DMP1: variants seen among roughly 807,000 people sequenced by gnomAD.
DMP1 encodes the protein dentin matrix protein 1.
A neutral mutation model predicts 14.6 loss-of-function variants in DMP1; 20 were observed. That is an observed-to-expected ratio of 1.37 (90% confidence interval 0.96 to 1.99). DMP1 has a LOEUF of 1.99. Among genes scored for constraint, DMP1 ranks in the 30% most tolerant of loss-of-function variants. DMP1 has a pLI of 0.00. For synonymous variants in DMP1, 197 were observed against 215.3 expected, an observed-to-expected ratio of 0.91 and a Z score of 0.75; for missense variants, 567 against 620.5, an observed-to-expected ratio of 0.91 and a Z score of 0.92.
chr4:87,663,479 T>C lies in DMP1; in HGVS notation c.*159T>C. Reference sequence around the variant, plus strand: ...CTGGACATTACACTTGTTTTTAGGGTGTCATCATTTCACAGAGGTTTAAAT... The same window carrying C: ...CTGGACATTACACTTGTTTTTAGGGCGTCATCATTTCACAGAGGTTTAAAT... On this transcript the variant is annotated 3_prime_UTR_variant, in exon 6 of 6. Coordinates refer to ENST00000339673, the MANE Select transcript of DMP1 (RefSeq NM_004407.4). 1 of 1,079,200 alleles carries C rather than the reference T, an allele frequency of 9.3e-7. No individual in the cohort carries two copies. The highest frequency in any genetic ancestry group is 1.6e-5 in the African/African-American group (1 of 63,780). The allele number at this position is 1,079,200 out of a possible 1,614,324, so 66.9% of individuals were successfully genotyped here. A position where few individuals can be genotyped will look rare whatever the true frequency, so the allele number is the denominator to read the frequency against.
intron 3 of DMP1, 121 bp downstream of exon 3, chr4:87,657,200 G>A: frequency 1.6e-6 from 1 of 641,662 alleles, no homozygotes; most frequent in South Asian, 2.0e-5. Context: ...AATAAGCTAA[G>A]CTATAGAGTT....
intron 1 of DMP1, among the ~76,000 whole-genome samples, chr4:87,652,551 G>A (rs1728553762): frequency 6.6e-6 from 1 of 152,040 alleles, no homozygotes; most frequent in African/African-American, 2.4e-5. Flanking sequence ...TATTGCTTTA[G>A]GTCAGGATGC....
chr4:87,651,088 G>C (rs1728521304), intron 1 of DMP1, among the ~76,000 whole-genome samples: 1 of 152,086 alleles, frequency 6.6e-6, no homozygotes, highest in African/African-American at 2.4e-5. Context: ...TTCTTCATCT[G>C]TGTGACGTTT....
chr4:87,659,622 A>G, intron 5 of DMP1, 144 bp downstream of exon 5: 1 of 825,574 alleles, frequency 1.2e-6, no homozygotes, highest in Non-Finnish European at 2.0e-6. Flanking sequence ...TAAAGTAAGA[A>G]GAGAAAAATG....
At position 87,662,047 on chromosome 4, in the gene DMP1, G is replaced by A; in HGVS notation, c.269G>A (p.Gly90Asp). 6.2e-7 allele frequency: 1 copy of A among 1,614,232 alleles called. No individual in the cohort carries two copies. The highest frequency in any genetic ancestry group is 1.1e-5 in the South Asian group (1 of 91,086). ...DHQYIYRLAG[G>D]FSRSTGKGGD... is the part of the protein sequence containing the mutation. ...CAATACATTTATAGGCTAGCTGGTG[G>A]CTTCTCCAGGAGCACAGGAAAAGGA... The change falls in exon 6 of 6, where the codon GGC (glycine) becomes GAC (aspartate). Residue 90 changes from glycine (G) to aspartate (D), a missense_variant. By Grantham distance (94) the Gly-to-Asp change is moderately conservative. Coordinates refer to ENST00000339673, the MANE Select transcript of DMP1 (RefSeq NM_004407.4).
chr4:87,656,289 G>T (rs1304062743), intron 1 of DMP1, among the ~76,000 whole-genome samples, 183 bp from the exon 2 acceptor site: 1 of 152,158 alleles, frequency 6.6e-6, no homozygotes, highest in Non-Finnish European at 1.5e-5. Flanking sequence ...TGCAGCACAT[G>T]TCAGTACTTC....
chr4:87,653,663 G>A (rs1000132666), intron 1 of DMP1, among the ~76,000 whole-genome samples: 6 of 151,668 alleles, frequency 4.0e-5, no homozygotes, highest in African/African-American at 1.5e-4. Flanking sequence ...ACCTATTCCT[G>A]TGCCCACCCA....
chr4:87,658,308 G>A (rs144265917), intron 3 of DMP1, among the ~76,000 whole-genome samples: 3 of 152,332 alleles, frequency 2.0e-5, no homozygotes, highest in Non-Finnish European at 4.4e-5. Flanking sequence ...GCTCTACTTT[G>A]CGCCTTGGGT....
intron 1 of DMP1, among the ~76,000 whole-genome samples, chr4:87,653,407 A>ATATATATATAT (rs1267261646): frequency 8.6e-5 from 9 of 104,196 alleles, no homozygotes; most frequent in Non-Finnish European, 1.6e-4. Context: ...ATATATATAT[A>ATATATATATAT]TATATATATA....
Position 87,663,034 on chromosome 4 carries a change from C to G in DMP1, c.1256C>G (p.Pro419Arg), listed in dbSNP as rs145278609. 8.1e-6 allele frequency: 13 copies of G among 1,614,130 alleles called. No homozygotes were observed. In the African/African-American group the frequency reaches 1.1e-4, roughly 13 times the overall value. Residue 419 changes from proline (P) to arginine (R), a missense_variant, in exon 6 of 6, where the codon CCG becomes CGG. Transcript: ENST00000339673. ...SESLNFSEES[P>R]ESPEDENSSS... ...AGCCTCAACTTCTCAGAGGAAAGCCCGGAGTCCCCTGAGGATGAGAACAGC... is the reference window on the plus strand; with the variant it reads ...AGCCTCAACTTCTCAGAGGAAAGCCGGGAGTCCCCTGAGGATGAGAACAGC...
At chr4:87,657,206 G>C in intron 3 of DMP1, 127 bp downstream of exon 3, 1 of 620,040 alleles carries the variant, frequency 1.6e-6, no homozygotes, top group East Asian at 2.9e-5. Context: ...CTAAGCTATA[G>C]AGTTCATAGA....
In DMP1 at chr4:87,662,743, A is replaced by G. The variant is rs1175935119; in HGVS notation, c.965A>G (p.Lys322Arg). ...DSKGDSQEDS[K>R]ENLSQEESQN... ...AAGGGTGACTCTCAAGAAGACAGCA[A>G]GGAGAATCTGTCCCAGGAAGAGAGC... is the stretch of plus-strand genomic sequence containing the variant. Residue 322 changes from lysine to arginine, a missense_variant, in exon 6 of 6, where the codon AAG (lysine) becomes AGG (arginine). By Grantham distance (26) the Lys-to-Arg change is conservative. Coordinates refer to ENST00000339673, the MANE Select transcript of DMP1 (RefSeq NM_004407.4). 1 of 1,614,140 alleles carries G rather than the reference A, an allele frequency of 6.2e-7. No homozygotes were observed.
chr4:87,660,558 A>C (rs1728831499), intron 5 of DMP1: 2 of 152,348 alleles, frequency 1.3e-5, no homozygotes, highest in Non-Finnish European at 2.9e-5. Context: ...TGTAAAAACA[A>C]AACAAAACAA....
intron 1 of DMP1, among the ~76,000 whole-genome samples, chr4:87,650,704 A>G (rs1462369): frequency 0.17 from 26,376 of 152,202 alleles, 2,701 homozygotes; most frequent in Middle Eastern, 0.29. Flanking sequence ...AGTTTTAATT[A>G]GCAAAACGTA....
At position 87,663,204 on chromosome 4, in the gene DMP1, G is replaced by A. The variant is rs1728980894; in HGVS notation, c.1426G>A (p.Glu476Lys). Residue 476 changes from glutamate (E) to lysine (K), a missense_variant, in exon 6 of 6, where the codon GAG becomes AAG. Coordinates refer to ENST00000339673, the MANE Select transcript of DMP1 (RefSeq NM_004407.4). ...CTCCACGGAGAGCAAATCAAGCAGT[G>A]AGGAAGATGGCCAGTTGAAAAACAT... ...SNSTESKSSS[E>K]EDGQLKNIEI... 6.2e-7 allele frequency: 1 copy of A among 1,614,216 alleles called. No homozygotes were observed. The highest frequency in any genetic ancestry group is 1.3e-5 in the African/African-American group (1 of 75,056).
At position 87,663,835 on chromosome 4, in the gene DMP1, G is replaced by T; in HGVS notation, c.*515G>T. 1 of 175,480 alleles carries T rather than the reference G, an allele frequency of 5.7e-6. No homozygotes were observed. Among genetic ancestry groups the T allele is most frequent in the Non-Finnish European group, 1.2e-5 (1 of 81,100 alleles). 10.9% of individuals were successfully genotyped at this position (175,480 alleles called of 1,614,324 possible). On this transcript the variant is annotated 3_prime_UTR_variant, in exon 6 of 6. Transcript: ENST00000339673. Reference sequence around the variant, plus strand: ...ATATCTATCTGGGAACACTGAGAAGGGTGACCAATGCGTTGGAGAACGAGG... The same window carrying T: ...ATATCTATCTGGGAACACTGAGAAGTGTGACCAATGCGTTGGAGAACGAGG...
At chr4:87,657,921 G>A (rs771439419) in intron 3 of DMP1, among the ~76,000 whole-genome samples, 5 of 152,306 alleles carry the variant, frequency 3.3e-5, no homozygotes, top group South Asian at 2.1e-4. Context: ...TAATGTCAGT[G>A]ACCTGAGGTG....
At position 87,653,348 on chromosome 4, in the gene DMP1, T is replaced by C. The variant is rs1728571234; in HGVS notation, c.-22+2964T>C. On this transcript the variant is annotated intron_variant, in intron 1 of 5. Transcript: ENST00000339673. ...ATTAGATGACTTCTTGAGCCCAATG[T>C]TTCAGACAATATTCAGCATATTCAG... Among the ~76,000 whole-genome samples, 4 of 138,652 alleles carry C rather than the reference T, an allele frequency of 2.9e-5. No individual in the cohort carries two copies. In the South Asian group the frequency reaches 9.3e-4, roughly 32 times the overall value. The allele number at this position is 138,652 out of a possible 152,430, so 91.0% of individuals were successfully genotyped here. A position where few individuals can be genotyped will look rare whatever the true frequency, so the allele number is the denominator to read the frequency against.
At chr4:87,657,737 G>C (rs72654200) in intron 3 of DMP1, among the ~76,000 whole-genome samples, 26,374 of 152,122 alleles carry the variant, frequency 0.17, 2,698 homozygotes, top group Middle Eastern at 0.29. Flanking sequence ...TTCTTAACCA[G>C]TGTGTCATAT....
Sources: allele counts gnomAD v4.1 joint callset (sites outside exome capture counted in the v4.1 genomes callset), GRCh38; gene constraint gnomAD v4.1.1; transcripts MANE v1.5; gene names NCBI Gene and HGNC (gene_info 2026-07-23, HGNC 2026-07-21).